PTPRB: variants seen among roughly 807,000 people sequenced by gnomAD.
PTPRB encodes protein tyrosine phosphatase receptor type B.
In PTPRB, 97 loss-of-function variants were observed where a neutral mutation model predicts 238.1. That is an observed-to-expected ratio of 0.41 (90% CI 0.35 to 0.48). The LOEUF (loss-of-function observed/expected upper bound fraction) is 0.48. Ranked by LOEUF, PTPRB falls within the 20% of genes least tolerant of loss-of-function variation. PTPRB has a pLI of 0.30. For missense variants in PTPRB, 2,292 were observed against 2,681.9 expected, an observed-to-expected ratio of 0.85 and a Z score of 3.21; for synonymous variants, 970 against 995.4, an observed-to-expected ratio of 0.97 and a Z score of 0.48.
intron 15 of PTPRB, among the ~76,000 whole-genome samples, chr12:70,565,000 T>C (rs1879103466): frequency 6.6e-6 from 1 of 152,036 alleles, no homozygotes; most frequent in African/African-American, 2.4e-5. Flanking sequence ...ACTTATTTAT[T>C]TTATTTATTG....
chr12:70,628,757 G>T (rs979870205), intron 2 of PTPRB, among the ~76,000 whole-genome samples: 3 of 152,006 alleles, frequency 2.0e-5, no homozygotes, highest in Non-Finnish European at 4.4e-5. Flanking sequence ...TACAGATAGG[G>T]TCTTGCTGTG....
intron 33 of PTPRB, among the ~76,000 whole-genome samples, chr12:70,524,140 G>C (rs1478779197): frequency 6.6e-6 from 1 of 151,324 alleles, no homozygotes. Flanking sequence ...GCAGGATCTT[G>C]CTTTGTCACC....
At position 70,596,237 on chromosome 12, in the gene PTPRB, A is replaced by G; in HGVS notation, c.1070T>C (p.Val357Ala). Reference sequence around the variant, plus strand: ...AAATAATTGCACCTCATATGAGGTGACTTTTCCGGAAGAAGGAGTCCACCA... The same window carrying G: ...AAATAATTGCACCTCATATGAGGTGGCTTTTCCGGAAGAAGGAGTCCACCA... ...HVWWTPSSGKVTSYEVQLFDE... is the reference protein window; with the variant it reads ...HVWWTPSSGKATSYEVQLFDE... Residue 357 changes from valine to alanine, a missense_variant, in exon 5 of 34, where the codon GTC becomes GCC. This residue lies in a region of PTPRB where 1,205 missense variants were observed against 1,287.8 expected (regional missense o/e 0.94). Coordinates refer to ENST00000334414, the MANE Select transcript of PTPRB (RefSeq NM_001109754.4). 6.2e-7 allele frequency: 1 copy of G among 1,613,350 alleles called. No individual in the cohort carries two copies. The highest frequency in any genetic ancestry group is 8.5e-7 in the Non-Finnish European group (1 of 1,179,664).
At chr12:70,524,971 ATGTGTG>A (rs555775169) in intron 32 of PTPRB, among the ~76,000 whole-genome samples, 1 of 142,750 alleles carries the variant, frequency 7.0e-6, no homozygotes, top group African/African-American at 3.0e-5. Flanking sequence ...ATGTGTATAT[ATGTGTG>A]TGTGTGTGTG....
At position 70,581,209 on chromosome 12, in the gene PTPRB, A is replaced by G; in HGVS notation, c.2405T>C (p.Phe802Ser). The G allele has an allele frequency of 6.2e-7, 1 of 1,613,962 alleles. No individual in the cohort carries two copies. The highest frequency in any genetic ancestry group is 8.5e-7 in the Non-Finnish European group (1 of 1,179,888). Residue 802 changes from phenylalanine (F) to serine (S), a missense_variant, in exon 10 of 34, where the codon TTT becomes TCT. Transcript: ENST00000334414. Reference sequence around the variant, plus strand: ...TTCATGGATCAGTAAGACTTGGTAAAATTCTACGTCTCCTTGTGCCTGGGT... The same window carrying G: ...TTCATGGATCAGTAAGACTTGGTAAGATTCTACGTCTCCTTGTGCCTGGGT... Reference protein sequence around the residue: ...NWTQAQGDVEFYQVLLIHENV... With the variant: ...NWTQAQGDVESYQVLLIHENV...
chr12:70,532,354 C>G (rs1363066833), intron 31 of PTPRB, among the ~76,000 whole-genome samples, 184 bp from the exon 32 acceptor site: 1 of 133,644 alleles, frequency 7.5e-6, no homozygotes, highest in East Asian at 2.6e-4. Flanking sequence ...AGCCTTCTAT[C>G]TCTTTCCACT....
At chr12:70,607,050 C>T (rs533290791) in intron 4 of PTPRB, among the ~76,000 whole-genome samples, 37 of 152,308 alleles carry the variant, frequency 2.4e-4, no homozygotes, top group African/African-American at 8.4e-4. Flanking sequence ...TTGTTTCACT[C>T]AACATGGTCA....
chr12:70,544,435 C>T (rs1875651469), intron 22 of PTPRB, 122 bp downstream of exon 22: 1 of 711,482 alleles, frequency 1.4e-6, no homozygotes, highest in African/African-American at 1.8e-5. Context: ...TTTTTGGTCA[C>T]ATAAAGATTA....
intron 33 of PTPRB, among the ~76,000 whole-genome samples, chr12:70,521,823 C>T (rs1350147027): frequency 6.6e-6 from 1 of 152,174 alleles, no homozygotes; most frequent in Non-Finnish European, 1.5e-5. Flanking sequence ...GGACCTGAAT[C>T]TTAGCCTTCA....
At chr12:70,580,082 T>G (rs1231097096) in intron 10 of PTPRB, among the ~76,000 whole-genome samples, 1 of 152,018 alleles carries the variant, frequency 6.6e-6, no homozygotes, top group Non-Finnish European at 1.5e-5. Context: ...TTATATATCA[T>G]ATATATTAAT....
chr12:70,533,812 G>A (rs1180827519), intron 31 of PTPRB, among the ~76,000 whole-genome samples: 2 of 152,114 alleles, frequency 1.3e-5, no homozygotes, highest in Admixed American at 6.5e-5. Flanking sequence ...CTGCTCTGGA[G>A]GACACAGTAA....
intron 22 of PTPRB, chr12:70,541,349 C>T: frequency 6.3e-6 from 1 of 158,082 alleles, no homozygotes; most frequent in Admixed American, 6.4e-5. Flanking sequence ...TTGGAAAATC[C>T]AGTGGATTGC....
intron 4 of PTPRB, among the ~76,000 whole-genome samples, chr12:70,603,497 T>C (rs1221772682): frequency 2.0e-5 from 3 of 152,206 alleles, no homozygotes; most frequent in East Asian, 3.8e-4. Flanking sequence ...TTAAAAATAA[T>C]ATACTTTTCG....
At chr12:70,609,770 G>A (rs1285415253) in intron 3 of PTPRB, 2 of 1,584,444 alleles carry the variant, frequency 1.3e-6, no homozygotes, top group Non-Finnish European at 1.7e-6. Context: ...CCTGCAGCAG[G>A]CTCAGTGTGA....
intron 3 of PTPRB, among the ~76,000 whole-genome samples, chr12:70,620,628 G>A (rs776376317): frequency 6.6e-6 from 1 of 152,110 alleles, no homozygotes; most frequent in Non-Finnish European, 1.5e-5. Context: ...ATGAGGAGGT[G>A]CTCCTCCAAG....
chr12:70,583,596 C>T (rs914527292), intron 9 of PTPRB, among the ~76,000 whole-genome samples: 4 of 152,126 alleles, frequency 2.6e-5, no homozygotes, highest in Non-Finnish European at 4.4e-5. Context: ...AATAGTCTCT[C>T]TTTACTCCCC....
At chr12:70,625,559 T>C (rs1032702624) in intron 2 of PTPRB, among the ~76,000 whole-genome samples, 16 of 152,234 alleles carry the variant, frequency 1.1e-4, no homozygotes, top group African/African-American at 3.8e-4. Flanking sequence ...AAGTTTTTTT[T>C]TTTTTATCTC....
Position 70,572,101 on chromosome 12 carries a change from A to G in PTPRB, c.2843-14T>C, listed in dbSNP as rs765750450. ...CTTTGTCAGGCACTGAAAAGGAAAC[A>G]GAGAGTAACTAAATATTTATGAATT... On this transcript the variant is annotated splice_polypyrimidine_tract_variant and intron_variant, in intron 11 of 33. Transcript: ENST00000334414. The G allele has an allele frequency of 6.3e-7, 1 of 1,592,034 alleles. No homozygotes were observed. Among genetic ancestry groups the G allele is most frequent in the Middle Eastern group, 1.7e-4 (1 of 5,964 alleles).
intron 32 of PTPRB, among the ~76,000 whole-genome samples, chr12:70,527,908 T>C (rs1021664493): frequency 6.6e-6 from 1 of 152,204 alleles, no homozygotes; most frequent in Non-Finnish European, 1.5e-5. Flanking sequence ...TTTCTGAGCC[T>C]GTAGAAACAA....
Sources: gnomAD v4.1 joint callset for allele counts (sites outside exome capture counted in the v4.1 genomes callset) on GRCh38, gnomAD v4.1.1 for gene constraint, gnomAD v4.1.1 regional missense constraint, MANE v1.5 for transcripts, NCBI Gene and HGNC (gene_info 2026-07-23, HGNC 2026-07-21) for gene names.